The following ERBB4 variants were observed in gnomAD, a reference collection of about 807,000 sequenced individuals.
ERBB4 encodes receptor tyrosine-protein kinase erbB-4.
ERBB4 carries 42 observed loss-of-function variants against 158.0 expected under a neutral mutation model. The observed-to-expected ratio is 0.27, with a 90% confidence interval of 0.21 to 0.34. ERBB4 has a LOEUF of 0.34. Among genes scored for constraint, ERBB4 ranks in the 10% least tolerant of loss-of-function variants. The probability of loss-of-function intolerance (pLI) is 1.00; values close to 1 mark genes in which losing one functional copy is unlikely to be tolerated. For missense variants in ERBB4, 1,333 were observed against 1,624.1 expected, an observed-to-expected ratio of 0.82 and a Z score of 3.08; for synonymous variants, 583 against 558.7, an observed-to-expected ratio of 1.04 and a Z score of -0.61.
At chr2:212,376,871 T>C (rs1308872116) in intron 1 of ERBB4, among the ~76,000 whole-genome samples, 1 of 152,026 alleles carries the variant, frequency 6.6e-6, no homozygotes, top group African/African-American at 2.4e-5. Flanking sequence ...TCCCTTCCCA[T>C]ATGTTCAAAG....
intron 2 of ERBB4, among the ~76,000 whole-genome samples, chr2:212,037,682 C>G (rs1048263100): frequency 6.6e-6 from 1 of 152,282 alleles, no homozygotes; most frequent in African/African-American, 2.4e-5. Flanking sequence ...TTGACATAAA[C>G]TTCTTATGTG....
intron 4 of ERBB4, among the ~76,000 whole-genome samples, chr2:211,781,183 C>T (rs1274780781): frequency 6.6e-6 from 1 of 151,962 alleles, no homozygotes; most frequent in Non-Finnish European, 1.5e-5. Context: ...TACTCTATCT[C>T]GAGAATTCTA....
At chr2:212,427,388 T>C (rs188936315) in intron 1 of ERBB4, among the ~76,000 whole-genome samples, 161 of 152,280 alleles carry the variant, frequency 1.1e-3, no homozygotes, top group Middle Eastern at 6.8e-3. Context: ...ATCATTATGC[T>C]AGTTTTAAAC....
intron 2 of ERBB4, among the ~76,000 whole-genome samples, chr2:212,033,146 G>A (rs929355029): frequency 6.6e-6 from 1 of 151,916 alleles, no homozygotes; most frequent in African/African-American, 2.4e-5. Context: ...TACCATTTTA[G>A]TCTACTCAGA....
At chr2:211,787,204 T>C (rs1410515120) in intron 4 of ERBB4, among the ~76,000 whole-genome samples, 1 of 152,138 alleles carries the variant, frequency 6.6e-6, no homozygotes, top group Non-Finnish European at 1.5e-5. Context: ...ATATAATAGA[T>C]GAGAAATATA....
intron 3 of ERBB4, among the ~76,000 whole-genome samples, chr2:211,863,171 C>A (rs1212558277): frequency 6.7e-6 from 1 of 148,754 alleles, no homozygotes; most frequent in African/African-American, 2.6e-5. Flanking sequence ...ATTGTAAACA[C>A]ACCAATCAGC....
intron 16 of ERBB4, among the ~76,000 whole-genome samples, 160 bp from the exon 17 acceptor site, chr2:211,630,754 A>C (rs1347445200): frequency 1.3e-5 from 2 of 152,176 alleles, no homozygotes; most frequent in African/African-American, 4.8e-5. Context: ...GCTCTACCAA[A>C]ACCTTTCTCA....
chr2:211,643,461 G>A (rs1180366451), intron 16 of ERBB4, among the ~76,000 whole-genome samples: 1 of 152,044 alleles, frequency 6.6e-6, no homozygotes, highest in East Asian at 1.9e-4. Context: ...ATTGGGTGAA[G>A]CCATTACTTT....
rs1369920899 is a variant in ERBB4, at chr2:211,413,347, CAT to C, written c.3135+7092_3135+7093del. 2.7e-4 allele frequency among the ~76,000 whole-genome samples: 32 copies of C among 116,756 alleles called. No individual in the cohort carries two copies. The South Asian group carries it at 3.7e-3, about 14-fold the overall frequency. 76.6% of individuals were successfully genotyped at this position (116,756 alleles called of 152,430 possible). On this transcript the variant is annotated intron_variant, in intron 25 of 27. Transcript: ENST00000342788. ...ACACACACACACACACACACACACACATTGATAAAAAAAAAAATAAAAAAACC... is the reference window on the plus strand; with the variant it reads ...ACACACACACACACACACACACACACTGATAAAAAAAAAAATAAAAAAACC...
chr2:212,047,231 T>G (rs1291462697), intron 2 of ERBB4, among the ~76,000 whole-genome samples: 1 of 152,130 alleles, frequency 6.6e-6, no homozygotes, highest in Non-Finnish European at 1.5e-5. Flanking sequence ...TATCCAGCAA[T>G]GTTAACTCAA....
intron 20 of ERBB4, among the ~76,000 whole-genome samples, chr2:211,497,232 T>C (rs1164952259): frequency 6.6e-6 from 1 of 152,142 alleles, no homozygotes; most frequent in Non-Finnish European, 1.5e-5. Context: ...CTTTGTATTT[T>C]AATAATTCTT....
intron 25 of ERBB4, among the ~76,000 whole-genome samples, chr2:211,399,107 G>GA (rs1559129252): frequency 6.6e-6 from 1 of 152,086 alleles, no homozygotes; most frequent in East Asian, 1.9e-4. Flanking sequence ...GTGATCTTAT[G>GA]AAAAATTGTC....
chr2:212,215,331 T>C (rs148782256), intron 1 of ERBB4, among the ~76,000 whole-genome samples: 8 of 151,644 alleles, frequency 5.3e-5, no homozygotes, highest in East Asian at 1.9e-4. Context: ...TATATAATTA[T>C]GTACATTGAA....
At chr2:212,065,028 T>TGG (rs1259130245) in intron 2 of ERBB4, among the ~76,000 whole-genome samples, 1 of 130,296 alleles carries the variant, frequency 7.7e-6, no homozygotes, top group African/African-American at 2.8e-5. Context: ...TGTGTGTGTG[T>TGG]TGTGTGTGTG....
chr2:211,796,832 C>A (rs2076392378), intron 3 of ERBB4, among the ~76,000 whole-genome samples: 1 of 151,852 alleles, frequency 6.6e-6, no homozygotes, highest in Non-Finnish European at 1.5e-5. Flanking sequence ...TATTGGCAAA[C>A]AATTTAGTAA....
intron 2 of ERBB4, among the ~76,000 whole-genome samples, chr2:212,014,838 T>C (rs1387228019): frequency 6.6e-6 from 1 of 151,486 alleles, no homozygotes; most frequent in African/African-American, 2.4e-5. Flanking sequence ...ATAATATTGT[T>C]TACTTGTGCA....
intron 1 of ERBB4, among the ~76,000 whole-genome samples, chr2:212,266,047 C>A (rs1197480338): frequency 6.6e-6 from 1 of 151,812 alleles, no homozygotes; most frequent in African/African-American, 2.4e-5. Flanking sequence ...TTAAGAGAAC[C>A]CTTCAAAAAT....
intron 1 of ERBB4, among the ~76,000 whole-genome samples, chr2:212,247,234 C>T (rs1333014116): frequency 1.3e-5 from 2 of 152,092 alleles, no homozygotes; most frequent in African/African-American, 4.8e-5. Context: ...TTACCACAAC[C>T]TATGATTGGG....
chr2:212,024,354 T>A (rs374937326), intron 2 of ERBB4, among the ~76,000 whole-genome samples: 105 of 152,072 alleles, frequency 6.9e-4, no homozygotes, highest in African/African-American at 2.5e-3. Context: ...GCTTTGTTAA[T>A]GTTATCTTTA....
Sources: allele counts gnomAD v4.1 joint callset (sites outside exome capture counted in the v4.1 genomes callset), GRCh38; gene constraint gnomAD v4.1.1; transcripts MANE v1.5; gene names NCBI Gene and HGNC (gene_info 2026-07-23, HGNC 2026-07-21).